Variants in RNF123 observed in about 807,000 individuals in gnomAD.
RNF123 encodes the protein E3 ubiquitin-protein ligase RNF123.
RNF123 carries 86 observed loss-of-function variants against 168.5 expected under a neutral mutation model. The ratio of observed to expected loss-of-function variants is 0.51; its 90% CI spans 0.43 to 0.61. RNF123 has a LOEUF of 0.61. RNF123 is among the 20% of genes least tolerant of loss of function. The pLI, the probability that RNF123 is intolerant of heterozygous loss-of-function variation, is 0.00. For synonymous variants in RNF123, 666 were observed against 689.1 expected (o/e 0.97, Z 0.52); for missense variants, 1,419 against 1,729.7 (o/e 0.82, Z 3.19).
At position 49,716,348 on chromosome 3, in the gene RNF123, C is replaced by G. The variant is rs759473413; in HGVS notation, c.3416-45C>G. The G allele has an allele frequency of 6.9e-6, 11 of 1,593,726 alleles. No individual in the cohort carries two copies. In the East Asian group the frequency reaches 2.2e-4, roughly 32 times the overall value. On this transcript the variant is annotated intron_variant, in intron 34 of 38. Transcript: ENST00000327697. The stretch of plus-strand genomic sequence containing the variant: ...GTGGGCAGGCCTGGAGCCCTTGAAG[C>G]AGGAGCATGTGGGTGGCTCATCTCT...
chr3:49,709,883 T>C (rs1379056496), intron 26 of RNF123, among the ~76,000 whole-genome samples: 3 of 152,056 alleles, frequency 2.0e-5, no homozygotes, highest in Non-Finnish European at 4.4e-5. Context: ...AATTCTGTTG[T>C]TTAATTTTTT....
chr3:49,693,284 G>A (rs1384656541), intron 3 of RNF123, among the ~76,000 whole-genome samples: 5 of 150,280 alleles, frequency 3.3e-5, no homozygotes, highest in Non-Finnish European at 7.4e-5. Flanking sequence ...TCCTGAGCTC[G>A]TGATCCGCCC....
Position 49,702,081 on chromosome 3 carries a change from A to G in RNF123, c.1496-2A>G, listed in dbSNP as rs762197619. On this transcript the variant is annotated splice_acceptor_variant, in intron 17 of 38. Coordinates refer to ENST00000327697, the MANE Select transcript of RNF123 (RefSeq NM_022064.5). LOFTEE classifies it high-confidence loss of function. Reference sequence around the variant, plus strand: ...GGGCCATGTTCCTCACCTGACCTCCAGTGGTGGAAGAACTACAGGTCCAGA... The same window carrying G: ...GGGCCATGTTCCTCACCTGACCTCCGGTGGTGGAAGAACTACAGGTCCAGA... The G allele has an allele frequency of 6.2e-7, 1 of 1,613,814 alleles. No homozygotes were observed.
intron 37 of RNF123, 38 bp from the exon 38 acceptor site, chr3:49,720,982 A>G: frequency 6.2e-7 from 1 of 1,608,386 alleles, no homozygotes; most frequent in Non-Finnish European, 8.5e-7. Flanking sequence ...ATAGCCAGGC[A>G]TCCAACTCCA....
At chr3:49,706,721 C>A in intron 25 of RNF123, 70 bp from the exon 26 acceptor site, 1 of 1,376,386 alleles carries the variant, frequency 7.3e-7, no homozygotes, top group Non-Finnish European at 1.0e-6. Flanking sequence ...TCCTAGGCTG[C>A]CTGCAGGATC....
chr3:49,695,446 G>A (rs2054249867), intron 3 of RNF123, among the ~76,000 whole-genome samples: 1 of 152,184 alleles, frequency 6.6e-6, no homozygotes, highest in African/African-American at 2.4e-5. Flanking sequence ...GCCCACTGGG[G>A]TATTCAGAGA....
intron 3 of RNF123, among the ~76,000 whole-genome samples, chr3:49,695,626 C>T (rs1283395065): frequency 3.3e-5 from 5 of 152,206 alleles, no homozygotes; most frequent in African/African-American, 1.2e-4. Flanking sequence ...ATCCCTGAGC[C>T]TGGGTAGTGG....
At chr3:49,705,958 G>A in intron 24 of RNF123, 24 bp from the exon 25 acceptor site, 1 of 1,611,056 alleles carries the variant, frequency 6.2e-7, no homozygotes. Context: ...GGGCACTCTG[G>A]ACATGTGGTC....
At position 49,700,668 on chromosome 3, in the gene RNF123, G is replaced by A; in HGVS notation, c.1236G>A (p.Leu412=). The A allele has an allele frequency of 6.2e-7, 1 of 1,614,160 alleles. No individual in the cohort carries two copies. The highest frequency in any genetic ancestry group is 8.5e-7 in the Non-Finnish European group (1 of 1,180,028). The change falls in exon 15 of 39, where the codon CTG becomes CTA. Residue 412 remains leucine (L), a synonymous_variant. Coordinates refer to ENST00000327697, the MANE Select transcript of RNF123 (RefSeq NM_022064.5). ...IHYLRLTIAI[L]RHEKSRKFLL... is the part of the protein sequence containing the mutation. ...ACCTGCGGCTCACTATCGCCATCCT[G>A]AGGCATGAGAAGTCCCGCAAGTTTC...
At chr3:49,708,795 T>C (rs375193532) in intron 26 of RNF123, among the ~76,000 whole-genome samples, 1 of 152,230 alleles carries the variant, frequency 6.6e-6, no homozygotes, top group East Asian at 1.9e-4. Context: ...TCCAGTCCTT[T>C]GCTGATGGAC....
chr3:49,698,335 C>T, intron 7 of RNF123, 105 bp from the exon 8 acceptor site: 1 of 1,035,780 alleles, frequency 9.7e-7, no homozygotes, highest in Non-Finnish European at 1.5e-6. Flanking sequence ...CTCAGATCAT[C>T]TGTTCCCTTC....
rs549857189 is a variant in RNF123 at position 49,699,259 on chromosome 3, C to G, written c.764+154C>G. On this transcript the variant is annotated intron_variant, in intron 10 of 38. Transcript: ENST00000327697. This position sits in a 1 kb window ranked among gnomAD's most constrained non-coding sequence, Gnocchi z 4.8. The stretch of plus-strand genomic sequence containing the variant: ...CATGTAGAGTGTCGAAGAAAACTTT[C>G]CTCGCAGCAGCCTGGTTGGTTGGGT... Among the ~76,000 whole-genome samples, 3 of 152,156 alleles carry G rather than the reference C, an allele frequency of 2.0e-5. No homozygotes were observed. The highest frequency in any genetic ancestry group is 3.9e-4 in the East Asian group (2 of 5,168).
chr3:49,700,458 A>C lies in RNF123; in HGVS notation c.1111-14A>C. 5 of 1,613,450 alleles carry C rather than the reference A, an allele frequency of 3.1e-6. No homozygotes were observed. Among genetic ancestry groups the C allele is most frequent in the Non-Finnish European group, 4.2e-6 (5 of 1,179,424 alleles). On this transcript the variant is annotated splice_polypyrimidine_tract_variant and intron_variant, in intron 13 of 38. Transcript: ENST00000327697. The stretch of plus-strand genomic sequence containing the variant: ...AGGCCCCAGTCATGGCTGCCTTGGC[A>C]TCTCTTCCCCCAGGACTACGAGGTA...
chr3:49,713,157 C>G (rs2080175930), intron 27 of RNF123: 3 of 592,756 alleles, frequency 5.1e-6, no homozygotes, highest in Non-Finnish European at 6.0e-6. Context: ...AGCTGTCAGG[C>G]CCCTAGCCTG....
intron 35 of RNF123, chr3:49,717,323 T>C (rs1559689210): frequency 6.4e-6 from 1 of 157,090 alleles, no homozygotes. Context: ...GGACTCTGCG[T>C]GAAGTTGTGA....
chr3:49,716,404 G>T lies in RNF123; in HGVS notation c.3427G>T (p.Val1143Leu). 1 of 1,613,996 alleles carries T rather than the reference G, an allele frequency of 6.2e-7. No individual in the cohort carries two copies. The highest frequency in any genetic ancestry group is 8.5e-7 in the Non-Finnish European group (1 of 1,179,956). ...VTLRLPGLESVDHYPILVAVT... is the reference protein window; with the variant it reads ...VTLRLPGLESLDHYPILVAVT... ...CCCCTTCCCCTCAGGCCTAGAGAGC[G>T]TGGACCACTATCCCATTCTGGTGGC... is the stretch of plus-strand genomic sequence containing the variant. Residue 1143 changes from valine to leucine, a missense_variant, in exon 35 of 39, where the codon GTG becomes TTG. By Grantham distance (32) the Val-to-Leu change is conservative. Coordinates refer to ENST00000327697, the MANE Select transcript of RNF123 (RefSeq NM_022064.5).
At chr3:49,689,965 G>A (rs1268821572) in intron 1 of RNF123, 1 of 152,230 alleles carries the variant, frequency 6.6e-6, no homozygotes, top group African/African-American at 2.4e-5. Flanking sequence ...TGTCTGGAAG[G>A]TCTGCTCATC....
At chr3:49,691,643 G>A (rs2054168923) in intron 3 of RNF123, 134 bp downstream of exon 3, 6 of 823,500 alleles carry the variant, frequency 7.3e-6, no homozygotes, top group South Asian at 3.2e-5. Flanking sequence ...TCCTGGCTGC[G>A]AGATCTCTGG....
chr3:49,697,838 GCT>G, intron 5 of RNF123, 45 bp from the exon 6 acceptor site: 2 of 1,611,302 alleles, frequency 1.2e-6, no homozygotes, highest in Non-Finnish European at 1.7e-6. Context: ...TTGGGGAGAT[GCT>G]CTGTGTGCCT....
Sources: allele counts gnomAD v4.1 joint callset (sites outside exome capture counted in the v4.1 genomes callset), GRCh38; gene constraint gnomAD v4.1.1; non-coding constraint Gnocchi (gnomAD v3.1); transcripts MANE v1.5; gene names NCBI Gene and HGNC (gene_info 2026-07-23, HGNC 2026-07-21).